The following MECOM variants were observed in gnomAD, a reference collection of about 807,000 sequenced individuals.
MECOM encodes MDS1 and EVI1 complex locus, also known as histone-lysine N-methyltransferase MECOM.
A neutral mutation model predicts 116.3 loss-of-function variants in MECOM; 13 were observed. The ratio of observed to expected loss-of-function variants is 0.11; its 90% CI spans 0.07 to 0.18. The LOEUF is 0.18. Among genes scored for constraint, MECOM ranks in the 10% least tolerant of loss-of-function variants. MECOM has a pLI of 1.00. For missense variants in MECOM, 1,299 were observed against 1,509.0 expected (o/e 0.86, Z 2.31); for synonymous variants, 528 against 535.2 (o/e 0.99, Z 0.19).
intron 1 of MECOM, among the ~76,000 whole-genome samples, chr3:169,533,707 G>A (rs1018805682): frequency 2.6e-5 from 4 of 151,728 alleles, no homozygotes; most frequent in African/African-American, 9.7e-5. Context: ...GCTGGGTTAA[G>A]TTCCTCACAG....
chr3:169,376,592 G>T (rs1731079691), intron 2 of MECOM, among the ~76,000 whole-genome samples: 1 of 152,002 alleles, frequency 6.6e-6, no homozygotes, highest in Non-Finnish European at 1.5e-5. Context: ...GCTACAAAGA[G>T]AATAAAATAC....
intron 1 of MECOM, among the ~76,000 whole-genome samples, chr3:169,412,881 T>A (rs769893908): frequency 6.6e-6 from 1 of 152,238 alleles, no homozygotes; most frequent in African/African-American, 2.4e-5. Context: ...ACTGTTCAGT[T>A]CAGTGACTGT....
At chr3:169,362,800 C>T (rs1032621198) in intron 2 of MECOM, among the ~76,000 whole-genome samples, 8 of 151,942 alleles carry the variant, frequency 5.3e-5, no homozygotes, top group African/African-American at 1.7e-4. Flanking sequence ...GCCCACCATA[C>T]ACAAGGGCCC....
chr3:169,329,840 A>G (rs1354433454), intron 2 of MECOM, among the ~76,000 whole-genome samples: 1 of 152,236 alleles, frequency 6.6e-6, no homozygotes, highest in Non-Finnish European at 1.5e-5. Flanking sequence ...GAGCATTTAA[A>G]GCTGACTAAG....
At chr3:169,575,582 T>G (rs1357525166) in intron 1 of MECOM, among the ~76,000 whole-genome samples, 5 of 152,220 alleles carry the variant, frequency 3.3e-5, no homozygotes, top group Non-Finnish European at 7.3e-5. Context: ...CGCCTTGTCC[T>G]GCTTTTATCT....
At chr3:169,262,705 C>G (rs370484884) in intron 2 of MECOM, among the ~76,000 whole-genome samples, 2 of 152,114 alleles carry the variant, frequency 1.3e-5, no homozygotes, top group African/African-American at 4.8e-5. Context: ...GAAAGCCCCC[C>G]ACCACCTAGC....
intron 1 of MECOM, among the ~76,000 whole-genome samples, chr3:169,624,674 G>A (rs897016345): frequency 6.6e-6 from 1 of 152,138 alleles, no homozygotes; most frequent in African/African-American, 2.4e-5. Context: ...TTAGAAAAGA[G>A]GCTCTTCCTG....
At chr3:169,103,383 A>G (rs573424170) in intron 10 of MECOM, among the ~76,000 whole-genome samples, 1 of 152,170 alleles carries the variant, frequency 6.6e-6, no homozygotes, top group Admixed American at 6.5e-5. Flanking sequence ...TTATTACTGA[A>G]TTTTTAAGTA....
At chr3:169,384,661 T>C (rs1732999896) in intron 1 of MECOM, among the ~76,000 whole-genome samples, 1 of 152,174 alleles carries the variant, frequency 6.6e-6, no homozygotes, top group Non-Finnish European at 1.5e-5. Flanking sequence ...TATAAATGTG[T>C]CCATGTAAGC....
chr3:169,213,950 G>A (rs1310204321), intron 2 of MECOM, among the ~76,000 whole-genome samples: 2 of 152,044 alleles, frequency 1.3e-5, no homozygotes, highest in Non-Finnish European at 2.9e-5. Flanking sequence ...AAAGTGACTT[G>A]CCCTTATTTA....
intron 5 of MECOM, among the ~76,000 whole-genome samples, chr3:169,125,172 T>C (rs765969727): frequency 2.0e-5 from 3 of 152,012 alleles, no homozygotes; most frequent in Non-Finnish European, 2.9e-5. Flanking sequence ...AGAGTACAGG[T>C]GTGTGGAGTC....
intron 2 of MECOM, among the ~76,000 whole-genome samples, chr3:169,193,323 G>A (rs944185129): frequency 6.6e-6 from 1 of 151,852 alleles, no homozygotes; most frequent in Non-Finnish European, 1.5e-5. Flanking sequence ...GAAATATAGT[G>A]TTCATAAGAA....
intron 1 of MECOM, among the ~76,000 whole-genome samples, chr3:169,539,709 G>A (rs1759839281): frequency 6.6e-6 from 1 of 151,956 alleles, no homozygotes; most frequent in South Asian, 2.1e-4. Flanking sequence ...AGTAGCCAGA[G>A]TAATCTTTTA....
At position 169,180,774 on chromosome 3, in the gene MECOM, A is replaced by ATG. The variant is rs1260560810; in HGVS notation, c.376-36944_376-36943dup. 2.3e-4 allele frequency among the ~76,000 whole-genome samples: 24 copies of ATG among 103,370 alleles called. 1 individual carries two copies. Among genetic ancestry groups the ATG allele is most frequent in the African/African-American group, 7.5e-4 (21 of 27,820 alleles). The allele number at this position is 103,370 out of a possible 152,430, so 67.8% of individuals were successfully genotyped here. ...ATCCTTTCCAGTATTCTCTTTATGT[A>ATG]TGTGTGTGTGTGTGGAGATGATATA... On this transcript the variant is annotated intron_variant, in intron 2 of 16. Transcript: ENST00000651503.
At chr3:169,166,082 C>T (rs958720765) in intron 2 of MECOM, among the ~76,000 whole-genome samples, 4 of 152,156 alleles carry the variant, frequency 2.6e-5, no homozygotes, top group African/African-American at 9.7e-5. Flanking sequence ...CCTGTTCTTT[C>T]ACTTGTTCAT....
At chr3:169,541,448 G>A (rs1486080749) in intron 1 of MECOM, among the ~76,000 whole-genome samples, 1 of 152,250 alleles carries the variant, frequency 6.6e-6, no homozygotes, top group Non-Finnish European at 1.5e-5. Flanking sequence ...TAGCTCTCCA[G>A]ATCCTCTCAG....
intron 2 of MECOM, among the ~76,000 whole-genome samples, chr3:169,378,452 GGAAAGCAAGCAAGCAAGCAAGCAAGAA>G (rs1731573131): frequency 9.3e-5 from 6 of 64,596 alleles, no homozygotes; most frequent in African/African-American, 2.8e-4. Flanking sequence ...AAAGAAAGAA[GGAAAGCAAGCAAGCAAGCAAGCAAGAA>G]AGAGAGAGAG....
chr3:169,289,832 T>A (rs1001168303), intron 2 of MECOM, among the ~76,000 whole-genome samples: 1 of 152,188 alleles, frequency 6.6e-6, no homozygotes, highest in African/African-American at 2.4e-5. Context: ...TTTCTTTGTG[T>A]CTCATATATG....
intron 2 of MECOM, among the ~76,000 whole-genome samples, chr3:169,270,913 A>T (rs895280279): frequency 6.6e-6 from 1 of 152,194 alleles, no homozygotes; most frequent in Non-Finnish European, 1.5e-5. Flanking sequence ...CTTTAGTAAA[A>T]ATTATTGCTG....
Sources: allele counts gnomAD v4.1 joint callset (sites outside exome capture counted in the v4.1 genomes callset), GRCh38; gene constraint gnomAD v4.1.1; transcripts MANE v1.5; gene names NCBI Gene and HGNC (gene_info 2026-07-23, HGNC 2026-07-21).